Variants in ARHGEF12 observed in about 807,000 individuals in gnomAD.
The protein encoded by ARHGEF12 is Rho guanine nucleotide exchange factor 12.
ARHGEF12 carries 66 observed loss-of-function variants against 211.2 expected under a neutral mutation model. The observed-to-expected ratio is 0.31, with a 90% CI of 0.26 to 0.38. The LOEUF (loss-of-function observed/expected upper bound fraction) is 0.38. ARHGEF12 is among the 10% of genes least tolerant of loss of function. The pLI is 1.00. For missense variants in ARHGEF12, 1,429 were observed against 1,869.5 expected, an observed-to-expected ratio of 0.76 and a Z score of 4.34; for synonymous variants, 592 against 638.4, an observed-to-expected ratio of 0.93 and a Z score of 1.09.
At chr11:120,380,678 G>T (rs1943853673) in intron 1 of ARHGEF12, among the ~76,000 whole-genome samples, 1 of 152,142 alleles carries the variant, frequency 6.6e-6, no homozygotes, top group South Asian at 2.1e-4. Flanking sequence ...GTGTTTGCTA[G>T]GTTTCTTCAC....
At chr11:120,347,143 CCTT>C in intron 1 of ARHGEF12, among the ~76,000 whole-genome samples, 1 of 46,210 alleles carries the variant, frequency 2.2e-5, no homozygotes, top group South Asian at 1.1e-3. Context: ...TTCCTTCCTT[CCTT>C]CCTTCCTTCC....
intron 1 of ARHGEF12, among the ~76,000 whole-genome samples, chr11:120,351,077 C>T (rs987640675): frequency 1.3e-5 from 2 of 151,846 alleles, no homozygotes; most frequent in South Asian, 2.1e-4. Flanking sequence ...TGGCCGGGTG[C>T]GGTGACTCAC....
chr11:120,467,334 A>G (rs777452244), intron 29 of ARHGEF12, 26 bp downstream of exon 29: 1 of 1,448,428 alleles, frequency 6.9e-7, no homozygotes, highest in Admixed American at 1.7e-5. Context: ...TGAAATAAAA[A>G]GCTTAAGAAC....
chr11:120,461,097 TC>T (rs1216184604), intron 27 of ARHGEF12, among the ~76,000 whole-genome samples: 10 of 152,182 alleles, frequency 6.6e-5, no homozygotes, highest in Non-Finnish European at 1.5e-4. Context: ...ACTTCCAAAC[TC>T]CTGTTAATAT....
At chr11:120,467,953 G>A (rs1307197919) in intron 29 of ARHGEF12, among the ~76,000 whole-genome samples, 1 of 152,154 alleles carries the variant, frequency 6.6e-6, no homozygotes, top group Non-Finnish European at 1.5e-5. Context: ...GAGTCGAGTA[G>A]TTTTATCGGT....
chr11:120,438,809 T>C (rs1356821127), intron 12 of ARHGEF12: 3 of 152,354 alleles, frequency 2.0e-5, no homozygotes, highest in East Asian at 3.9e-4. Flanking sequence ...TTAGTACTTA[T>C]GGTCTTCAGA....
intron 11 of ARHGEF12, among the ~76,000 whole-genome samples, chr11:120,433,037 G>A (rs1334620888): frequency 2.6e-5 from 4 of 152,060 alleles, no homozygotes; most frequent in African/African-American, 9.7e-5. Flanking sequence ...ATATTTGTTG[G>A]GTATATGTCC....
chr11:120,378,660 GT>G (rs1404399526), intron 1 of ARHGEF12, among the ~76,000 whole-genome samples: 2 of 152,172 alleles, frequency 1.3e-5, no homozygotes, highest in African/African-American at 4.8e-5. Context: ...TTTGTATATG[GT>G]GTGAGGTAAG....
chr11:120,417,099 G>C (rs1393646487), intron 4 of ARHGEF12, among the ~76,000 whole-genome samples: 1 of 152,062 alleles, frequency 6.6e-6, no homozygotes, highest in Non-Finnish European at 1.5e-5. Context: ...TAGACATTAA[G>C]CTAACTACTT....
intron 7 of ARHGEF12, 29 bp from the exon 8 acceptor site, chr11:120,428,040 C>G (rs375710704): frequency 2.1e-5 from 31 of 1,508,724 alleles, no homozygotes; most frequent in Middle Eastern, 2.3e-4. Context: ...TTTCCCTTCC[C>G]TTCCCTTTTT....
At chr11:120,447,543 G>A (rs1946079570) in intron 18 of ARHGEF12, among the ~76,000 whole-genome samples, 1 of 152,174 alleles carries the variant, frequency 6.6e-6, no homozygotes, top group African/African-American at 2.4e-5. Flanking sequence ...TTAAGGCCAG[G>A]CATGGTGGCG....
At chr11:120,346,424 A>G (rs938309121) in intron 1 of ARHGEF12, among the ~76,000 whole-genome samples, 1 of 152,236 alleles carries the variant, frequency 6.6e-6, no homozygotes, top group South Asian at 2.1e-4. Context: ...CAGACATACA[A>G]TGGCTCTTAA....
chr11:120,375,370 ACCTTT>A (rs1245012344), intron 1 of ARHGEF12, among the ~76,000 whole-genome samples: 1 of 151,968 alleles, frequency 6.6e-6, no homozygotes, highest in Non-Finnish European at 1.5e-5. Flanking sequence ...CATCTTTTTG[ACCTTT>A]CCTTTTATGT....
intron 1 of ARHGEF12, among the ~76,000 whole-genome samples, chr11:120,340,539 C>G (rs1265328571): frequency 2.6e-5 from 4 of 151,714 alleles, no homozygotes; most frequent in Non-Finnish European, 5.9e-5. Flanking sequence ...ATGCCTGTAC[C>G]CAGTAATTAA....
At chr11:120,338,670 C>T (rs536188820) in intron 1 of ARHGEF12, among the ~76,000 whole-genome samples, 3 of 152,142 alleles carry the variant, frequency 2.0e-5, no homozygotes, top group South Asian at 4.2e-4. Context: ...ATCACTTTTA[C>T]GGGTGTGGGG....
chr11:120,421,897 A>G (rs542860737), intron 6 of ARHGEF12, 45 bp downstream of exon 6: 1 of 1,452,894 alleles, frequency 6.9e-7, no homozygotes, highest in Non-Finnish European at 9.6e-7. Flanking sequence ...ATTAAAAAAC[A>G]ACATATATTG....
At position 120,415,184 on chromosome 11, in the gene ARHGEF12, T is replaced by A. The variant is rs188554816; in HGVS notation, c.200-5569T>A. 1.1e-4 allele frequency among the ~76,000 whole-genome samples: 17 copies of A among 152,348 alleles called. No individual in the cohort carries two copies. The East Asian group carries it at 2.7e-3, about 24-fold the overall frequency. On this transcript the variant is annotated intron_variant, in intron 4 of 40. Coordinates refer to ENST00000397843, the MANE Select transcript of ARHGEF12 (RefSeq NM_015313.3). The stretch of plus-strand genomic sequence containing the variant: ...GAAAGCTGGTTTTTGGGTTTTTTTT[T>A]AATTAATGAAATTTGAAGATTGCTA...
rs1946735439 is a variant in ARHGEF12 at position 120,467,412 on chromosome 11, CA to C, written c.2854+107del. 8 of 519,124 alleles carry C rather than the reference CA, an allele frequency of 1.5e-5. No individual in the cohort carries two copies. The Admixed American group carries it at 1.8e-4, about 11-fold the overall frequency. The allele number at this position is 519,124 out of a possible 1,614,324, so 32.2% of individuals were successfully genotyped here. A position where few individuals can be genotyped will look rare whatever the true frequency, so the allele number is the denominator to read the frequency against. ...AGCGTCCTGAATGGAGTTGGATTTC[CA>C]AATAGTATGACAAGATTTTCTTTTT... On this transcript the variant is annotated intron_variant, in intron 29 of 40. Coordinates refer to ENST00000397843, the MANE Select transcript of ARHGEF12 (RefSeq NM_015313.3).
intron 39 of ARHGEF12, 59 bp from the exon 40 acceptor site, chr11:120,484,379 T>C (rs1947342530): frequency 2.0e-6 from 3 of 1,496,860 alleles, no homozygotes; most frequent in Non-Finnish European, 2.8e-6. Flanking sequence ...TTTCTGAAGT[T>C]TTTGTTTTGT....
Sources: allele counts gnomAD v4.1 joint callset (sites outside exome capture counted in the v4.1 genomes callset), GRCh38; gene constraint gnomAD v4.1.1; transcripts MANE v1.5; gene names NCBI Gene and HGNC (gene_info 2026-07-23, HGNC 2026-07-21).